ISM1: variants seen among roughly 807,000 people sequenced by gnomAD.
ISM1 encodes isthmin 1, also known as isthmin-1.
A neutral mutation model predicts 46.3 loss-of-function variants in ISM1; 25 were observed. The ratio of observed to expected loss-of-function variants is 0.54; its 90% confidence interval spans 0.39 to 0.75. The LOEUF is 0.75. Ranked by LOEUF, ISM1 falls within the 30% of genes least tolerant of loss-of-function variation. The probability of loss-of-function intolerance (pLI) is 0.00; values close to 1 mark genes in which losing one functional copy is unlikely to be tolerated. For synonymous variants in ISM1, 255 were observed against 256.7 expected (o/e 0.99, Z 0.06); for missense variants, 536 against 625.4 (o/e 0.86, Z 1.52).
Position 13,288,652 on chromosome 20 carries a change from A to T in ISM1, c.756A>T (p.Glu252Asp). 5 of 1,614,022 alleles carry T rather than the reference A, an allele frequency of 3.1e-6. No homozygotes were observed. Among genetic ancestry groups the T allele is most frequent in the Non-Finnish European group, 4.2e-6 (5 of 1,179,874 alleles). The change falls in exon 4 of 6, where the codon GAA (glutamate) becomes GAT (aspartate). Residue 252 changes from glutamate to aspartate, a missense_variant. By Grantham distance (45) the Glu-to-Asp change is conservative. This residue lies in a region of ISM1 where 367 missense variants were observed against 376.1 expected (regional missense o/e 0.98). Coordinates refer to ENST00000262487, the MANE Select transcript of ISM1 (RefSeq NM_080826.2). ...GTGGCTACGCGTGCACTGCAACAGA[A>T]TCGAGGACCTGTGACCGTCCAAACT... ...RSCGYACTAT[E>D]SRTCDRPNCP...
At chr20:13,246,639 G>A (rs888794154) in intron 1 of ISM1, among the ~76,000 whole-genome samples, 9 of 152,198 alleles carry the variant, frequency 5.9e-5, no homozygotes, top group Admixed American at 1.3e-4. Flanking sequence ...CCTGAGACCC[G>A]GAAAGTTTAC....
intron 1 of ISM1, among the ~76,000 whole-genome samples, chr20:13,253,282 C>A (rs1316439850): frequency 6.6e-6 from 1 of 152,110 alleles, no homozygotes; most frequent in African/African-American, 2.4e-5. Context: ...ACCCAGGGAC[C>A]CAGAGGGTGA....
chr20:13,289,207 A>T (rs1205463589), intron 4 of ISM1, among the ~76,000 whole-genome samples: 1 of 152,164 alleles, frequency 6.6e-6, no homozygotes, highest in African/African-American at 2.4e-5. Context: ...CATTGTACTT[A>T]TTTAATTTAG....
rs547165449 is a variant in ISM1 at position 13,272,417 on chromosome 20, G to C, written c.378+1674G>C. The stretch of plus-strand genomic sequence containing the variant: ...TAGGAAATTGAAAAATGTAAGACCT[G>C]TTCCCTCCAATAAATTAGATCTGTG... On this transcript the variant is annotated intron_variant, in intron 2 of 5. Coordinates refer to ENST00000262487, the MANE Select transcript of ISM1 (RefSeq NM_080826.2). 2.6e-5 allele frequency among the ~76,000 whole-genome samples: 4 copies of C among 152,320 alleles called. No individual in the cohort carries two copies. The East Asian group carries it at 7.7e-4, about 29-fold the overall frequency.
intron 1 of ISM1, among the ~76,000 whole-genome samples, chr20:13,248,453 T>G (rs1031267144): frequency 1.3e-5 from 2 of 152,194 alleles, no homozygotes; most frequent in Non-Finnish European, 2.9e-5. Context: ...ACACCTTGCC[T>G]GACATACTGC....
intron 2 of ISM1, among the ~76,000 whole-genome samples, chr20:13,273,675 A>G (rs1423302946): frequency 6.6e-6 from 1 of 152,230 alleles, no homozygotes; most frequent in Non-Finnish European, 1.5e-5. Flanking sequence ...ATAAAGGTTT[A>G]CCATAGCTCC....
chr20:13,227,653 C>T (rs1382128327), intron 1 of ISM1, among the ~76,000 whole-genome samples: 11 of 151,574 alleles, frequency 7.3e-5, no homozygotes, highest in Admixed American at 3.9e-4. Context: ...GGACTACAGG[C>T]GCCCGCCACC....
At chr20:13,253,657 C>T (rs898087337) in intron 1 of ISM1, among the ~76,000 whole-genome samples, 8 of 152,072 alleles carry the variant, frequency 5.3e-5, no homozygotes, top group South Asian at 2.1e-4. Flanking sequence ...GGATAGGACC[C>T]GAGAATCAGC....
chr20:13,255,459 T>C (rs1048804254), intron 1 of ISM1, among the ~76,000 whole-genome samples: 3 of 152,056 alleles, frequency 2.0e-5, no homozygotes, highest in African/African-American at 7.2e-5. Flanking sequence ...AGAAAAGAAG[T>C]ATATATATGG....
At chr20:13,318,136 AAAAT>A in the ISM1 span, among the ~76,000 whole-genome samples, 172 of 145,136 alleles carry the variant, frequency 1.2e-3, no homozygotes, top group African/African-American at 4.0e-3. Flanking sequence ...GACACTTGAA[AAAAT>A]AAATAAATAA....
At chr20:13,306,761 A>C in the ISM1 span, among the ~76,000 whole-genome samples, 1 of 152,022 alleles carries the variant, frequency 6.6e-6, no homozygotes, top group Non-Finnish European at 1.5e-5. Flanking sequence ...CCTCCCTTAG[A>C]GCTGTCAGGA....
chr20:13,294,798 T>TA (rs535443629), intron 5 of ISM1, among the ~76,000 whole-genome samples: 139 of 152,306 alleles, frequency 9.1e-4, no homozygotes, highest in Middle Eastern at 3.4e-3. Context: ...CCCTCCCACT[T>TA]AATCCTCTTT....
intron 1 of ISM1, among the ~76,000 whole-genome samples, chr20:13,227,986 A>G (rs964827905): frequency 2.7e-5 from 3 of 112,376 alleles, no homozygotes; most frequent in African/African-American, 1.1e-4. Context: ...TCTTTTTGAG[A>G]TGGAGTCTAG....
chr20:13,294,002 A>C (rs1478803237), intron 5 of ISM1, among the ~76,000 whole-genome samples: 2 of 152,066 alleles, frequency 1.3e-5, no homozygotes, highest in Non-Finnish European at 2.9e-5. Context: ...AAAGAAAAAA[A>C]AGAAAAGAAA....
intron 1 of ISM1, among the ~76,000 whole-genome samples, chr20:13,234,169 G>T (rs746677939): frequency 2.0e-5 from 3 of 152,052 alleles, no homozygotes; most frequent in Non-Finnish European, 4.4e-5. Flanking sequence ...TTGTATGTCC[G>T]TGTATGCCCA....
In ISM1 at chr20:13,279,802, A is replaced by T; in HGVS notation, c.547A>T (p.Thr183Ser). The stretch of plus-strand genomic sequence containing the variant: ...GGACCAGGACTACAAGTACGACAGT[A>T]CCTCAGACGACAGCAACTTCCTCAA... ...SGDQDYKYDS[T>S]SDDSNFLNPP... The change falls in exon 3 of 6, where the codon ACC (threonine) becomes TCC (serine). Residue 183 changes from threonine (T) to serine (S), a missense_variant. Around this residue, in one of 2 missense-constraint regions of ISM1, gnomAD observed 367 missense variants for 376.1 expected, o/e 0.98. Transcript: ENST00000262487. 6.2e-7 allele frequency: 1 copy of T among 1,614,016 alleles called. No individual in the cohort carries two copies. Among genetic ancestry groups the T allele is most frequent in the Non-Finnish European group, 8.5e-7 (1 of 1,179,880 alleles).
At chr20:13,261,120 A>G (rs1336632353) in intron 1 of ISM1, among the ~76,000 whole-genome samples, 1 of 152,184 alleles carries the variant, frequency 6.6e-6, no homozygotes, top group Non-Finnish European at 1.5e-5. Context: ...CCGCAGTAAG[A>G]AGCTCAAAGA....
At position 13,299,038 on chromosome 20, in the gene ISM1, C is replaced by T; in HGVS notation, c.974C>T (p.Ser325Phe). Residue 325 changes from serine (S) to phenylalanine (F), a missense_variant, in exon 6 of 6, where the codon TCC (serine) becomes TTC (phenylalanine). Ser to Phe is a radical substitution (Grantham distance 155). Around this residue, in one of 2 missense-constraint regions of ISM1, gnomAD observed 169 missense variants for 249.3 expected, o/e 0.68. Transcript: ENST00000262487. The surrounding 1 kb of genome is among the most constrained non-coding windows in gnomAD (Gnocchi z 5.8). ...VMNDLPSCPC[S>F]YPTEVAYSTA... ...AATGACCTGCCCAGCTGCCCCTGCT[C>T]CTACCCCACTGAGGTGGCCTACAGC... The T allele has an allele frequency of 6.2e-7, 1 of 1,613,784 alleles. No individual in the cohort carries two copies. Among genetic ancestry groups the T allele is most frequent in the Non-Finnish European group, 8.5e-7 (1 of 1,179,824 alleles).
intron 1 of ISM1, among the ~76,000 whole-genome samples, chr20:13,229,042 T>A (rs2039559518): frequency 6.6e-6 from 1 of 152,162 alleles, no homozygotes; most frequent in South Asian, 2.1e-4. Flanking sequence ...CTAAATTCTA[T>A]AGCCTCTTTT....
Sources: gnomAD v4.1 joint callset for allele counts (sites outside exome capture counted in the v4.1 genomes callset) on GRCh38, gnomAD v4.1.1 for gene constraint, gnomAD v4.1.1 regional missense constraint, Gnocchi (gnomAD v3.1) non-coding constraint, MANE v1.5 for transcripts, NCBI Gene and HGNC (gene_info 2026-07-23, HGNC 2026-07-21) for gene names.